The following UGT8 variants were observed in gnomAD, a reference collection of about 807,000 sequenced individuals.
The protein encoded by UGT8 is UDP glycosyltransferase 8, also known as 2-hydroxyacylsphingosine 1-beta-galactosyltransferase.
A neutral mutation model predicts 40.5 loss-of-function variants in UGT8; 12 were observed. The ratio of observed to expected loss-of-function variants is 0.30; its 90% CI spans 0.19 to 0.48. The LOEUF (loss-of-function observed/expected upper bound fraction) is 0.48, where lower values mean the gene tolerates loss of function less well. Ranked by LOEUF, UGT8 falls within the 20% of genes least tolerant of loss-of-function variation. UGT8 has a pLI of 0.99. For synonymous variants in UGT8, 224 were observed against 240.4 expected, an observed-to-expected ratio of 0.93 and a Z score of 0.63; for missense variants, 513 against 648.7, an observed-to-expected ratio of 0.79 and a Z score of 2.27.
At position 114,676,306 on chromosome 4, in the gene UGT8, T is replaced by C; in HGVS notation, c.*18T>C. The C allele has an allele frequency of 6.5e-7, 1 of 1,541,286 alleles. No homozygotes were observed. The highest frequency in any genetic ancestry group is 8.7e-7 in the Non-Finnish European group (1 of 1,147,008). Reference sequence around the variant, plus strand: ...TGAAATGAGCCAACAGCCCAGGTGATAGAAATAAATTGGTTCACTCATTGA... The same window carrying C: ...TGAAATGAGCCAACAGCCCAGGTGACAGAAATAAATTGGTTCACTCATTGA... On this transcript the variant is annotated 3_prime_UTR_variant, in exon 6 of 6. Transcript: ENST00000310836.
intron 2 of UGT8, among the ~76,000 whole-genome samples, chr4:114,643,305 G>C (rs770049696): frequency 1.8e-4 from 27 of 152,068 alleles, no homozygotes; most frequent in Non-Finnish European, 3.7e-4. Context: ...GAGAATGATA[G>C]TGCACCTAAA....
chr4:114,672,005 C>G (rs967477745), intron 5 of UGT8, among the ~76,000 whole-genome samples: 9 of 152,126 alleles, frequency 5.9e-5, no homozygotes, highest in Non-Finnish European at 8.8e-5. Flanking sequence ...AAAAAATGGG[C>G]AAAGGATATG....
chr4:114,624,485 A>G (rs1363490716), intron 2 of UGT8, among the ~76,000 whole-genome samples: 2 of 152,202 alleles, frequency 1.3e-5, no homozygotes, highest in African/African-American at 4.8e-5. Flanking sequence ...TAACCTCAAC[A>G]TCAGATCCCA....
chr4:114,672,586 G>A (rs1735363157), intron 5 of UGT8, among the ~76,000 whole-genome samples: 1 of 152,076 alleles, frequency 6.6e-6, no homozygotes, highest in Non-Finnish European at 1.5e-5. Context: ...AATACTGCGT[G>A]TTCTCACTCA....
At chr4:114,625,238 C>T (rs186321617) in intron 2 of UGT8, among the ~76,000 whole-genome samples, 17 of 152,158 alleles carry the variant, frequency 1.1e-4, no homozygotes, top group East Asian at 7.7e-4. Flanking sequence ...AGGAGCTGGA[C>T]GCGGTGTCCC....
In UGT8 at chr4:114,675,934, G is replaced by C. The variant is rs1439937747; in HGVS notation, c.1272G>C (p.Gln424His). The change falls in exon 6 of 6, where the codon CAG becomes CAC. Residue 424 changes from glutamine to histidine, a missense_variant. This residue lies in a region of UGT8 where 175 missense variants were observed against 186.7 expected (regional missense o/e 0.94). Coordinates refer to ENST00000310836, the MANE Select transcript of UGT8 (RefSeq NM_001128174.3). ...TGTCCCCTCTCCATAGCTACCGTCA[G>C]AGGGCTCAGAAGCTTTCGGAAATTC... ...VKVINNPSYR[Q>H]RAQKLSEIHK... The C allele has an allele frequency of 6.2e-7, 1 of 1,611,762 alleles. No individual in the cohort carries two copies. The highest frequency in any genetic ancestry group is 1.3e-5 in the African/African-American group (1 of 74,838).
intron 1 of UGT8, among the ~76,000 whole-genome samples, chr4:114,600,735 A>C (rs1730395188): frequency 6.6e-6 from 1 of 152,170 alleles, no homozygotes; most frequent in African/African-American, 2.4e-5. Flanking sequence ...TTATATGGTA[A>C]AGGAGACCAG....
At chr4:114,617,931 C>T (rs1403189306) in intron 1 of UGT8, among the ~76,000 whole-genome samples, 1 of 152,146 alleles carries the variant, frequency 6.6e-6, no homozygotes, top group Admixed American at 6.5e-5. Flanking sequence ...TGGTAGAAAT[C>T]TTTGAAAATC....
At position 114,664,274 on chromosome 4, in the gene UGT8, T is replaced by G. The variant is rs545623757; in HGVS notation, c.965+137T>G. The G allele has an allele frequency of 6.8e-5, 67 of 982,362 alleles. No homozygotes were observed. In the South Asian group the frequency reaches 1.1e-3, roughly 16 times the overall value. The allele number at this position is 982,362 out of a possible 1,614,324, so 60.9% of individuals were successfully genotyped here. On this transcript the variant is annotated intron_variant, in intron 3 of 5. Transcript: ENST00000310836. The stretch of plus-strand genomic sequence containing the variant: ...ATGCCCTTGACTTTCATTTTGTTTC[T>G]TAGCTTGTTGAAATCTAGGAATTAA...
At chr4:114,607,006 C>T (rs950631758) in intron 1 of UGT8, among the ~76,000 whole-genome samples, 1 of 152,174 alleles carries the variant, frequency 6.6e-6, no homozygotes. Context: ...TATAGTTAAC[C>T]ATCTCTGATA....
intron 2 of UGT8, among the ~76,000 whole-genome samples, chr4:114,629,082 G>A (rs1190300221): frequency 6.6e-6 from 1 of 152,086 alleles, no homozygotes; most frequent in Non-Finnish European, 1.5e-5. Context: ...CAGGGTCCTT[G>A]GGGGTAAAAG....
chr4:114,646,998 A>G (rs1733611601), intron 2 of UGT8, among the ~76,000 whole-genome samples: 1 of 152,200 alleles, frequency 6.6e-6, no homozygotes, highest in African/African-American at 2.4e-5. Flanking sequence ...ACTCGGATTT[A>G]GTCTGAACTC....
intron 5 of UGT8, among the ~76,000 whole-genome samples, chr4:114,672,548 C>T (rs116763213): frequency 0.03 from 4,534 of 152,226 alleles, 96 homozygotes; most frequent in Middle Eastern, 0.058. Flanking sequence ...CCATCATCCT[C>T]AGCACATAAC....
chr4:114,649,380 G>A (rs766405037), intron 2 of UGT8, among the ~76,000 whole-genome samples: 7 of 151,986 alleles, frequency 4.6e-5, no homozygotes, highest in Admixed American at 1.3e-4. Flanking sequence ...TTGTGGTTGC[G>A]TCAATTAAGA....
At chr4:114,598,673 C>G (rs1405798408), upstream of UGT8, 2 of 151,686 alleles carry the variant, frequency 1.3e-5, no homozygotes, top group Non-Finnish European at 2.9e-5. Context: ...CGCTCCGACT[C>G]TGCTCGCCGC....
intron 1 of UGT8, among the ~76,000 whole-genome samples, chr4:114,618,732 T>A (rs954287249): frequency 4.6e-5 from 7 of 152,204 alleles, no homozygotes; most frequent in African/African-American, 9.6e-5. Context: ...CCTTTAAAGC[T>A]AAACATTTTT....
chr4:114,654,710 G>C (rs1032914894), intron 2 of UGT8, among the ~76,000 whole-genome samples: 4 of 152,106 alleles, frequency 2.6e-5, no homozygotes, highest in Non-Finnish European at 4.4e-5. Context: ...TTTTGCAAGA[G>C]AGAGAGAAGT....
At chr4:114,635,332 C>CAT (rs1419876793) in intron 2 of UGT8, among the ~76,000 whole-genome samples, 3 of 150,524 alleles carry the variant, frequency 2.0e-5, no homozygotes, top group Non-Finnish European at 4.4e-5. Flanking sequence ...GCCTGGGTGA[C>CAT]AGAGTGAGAT....
intron 2 of UGT8, among the ~76,000 whole-genome samples, chr4:114,624,164 A>C (rs1292034786): frequency 6.6e-6 from 1 of 152,228 alleles, no homozygotes; most frequent in Non-Finnish European, 1.5e-5. Flanking sequence ...GTTTATGTCC[A>C]ATAATGAAAG....
Sources: gnomAD v4.1 joint callset for allele counts (sites outside exome capture counted in the v4.1 genomes callset) on GRCh38, gnomAD v4.1.1 for gene constraint, gnomAD v4.1.1 regional missense constraint, MANE v1.5 for transcripts, NCBI Gene and HGNC (gene_info 2026-07-23, HGNC 2026-07-21) for gene names.